APBB1IP: variants seen among roughly 807,000 people sequenced by gnomAD.
APBB1IP encodes amyloid beta precursor protein binding family B member 1 interacting protein.
APBB1IP carries 27 observed loss-of-function variants against 64.9 expected under a neutral mutation model. That is an observed-to-expected ratio of 0.42 (90% CI 0.31 to 0.57). The LOEUF (loss-of-function observed/expected upper bound fraction) is 0.57. APBB1IP is among the 20% of genes least tolerant of loss of function. The pLI is 0.20. For missense variants in APBB1IP, 812 were observed against 845.5 expected (o/e 0.96, Z 0.49); for synonymous variants, 392 against 331.0 (o/e 1.18, Z -2.00).
At chr10:26,532,559 G>A (rs112924206) in intron 8 of APBB1IP, among the ~76,000 whole-genome samples, 6,695 of 151,954 alleles carry the variant, frequency 0.044, 145 homozygotes, top group South Asian at 0.08. Flanking sequence ...ATAGCTTACT[G>A]CAGCCTCAAA....
intron 2 of APBB1IP, among the ~76,000 whole-genome samples, chr10:26,469,253 CTTTTCTT>C (rs1217609634): frequency 1.5e-5 from 2 of 129,664 alleles, no homozygotes; most frequent in African/African-American, 6.4e-5. Flanking sequence ...TCCTTCTTTT[CTTTTCTT>C]TTTTTTTTTT....
chr10:26,548,490 A>C (rs1484189681), intron 11 of APBB1IP, among the ~76,000 whole-genome samples: 2 of 152,048 alleles, frequency 1.3e-5, no homozygotes, highest in Admixed American at 1.3e-4. Flanking sequence ...TGAACACGGG[A>C]TATCTTTCCA....
chr10:26,447,013 A>G (rs1227776652), intron 2 of APBB1IP, among the ~76,000 whole-genome samples: 2 of 152,188 alleles, frequency 1.3e-5, no homozygotes, highest in African/African-American at 2.4e-5. Flanking sequence ...TATGGTGCAG[A>G]TAATGATTAT....
chr10:26,491,674 A>G (rs935350841), intron 2 of APBB1IP, among the ~76,000 whole-genome samples: 1 of 152,120 alleles, frequency 6.6e-6, no homozygotes, highest in African/African-American at 2.4e-5. Context: ...ATGTACTAAA[A>G]ACTATTATTT....
intron 11 of APBB1IP, among the ~76,000 whole-genome samples, chr10:26,548,603 T>C (rs1836795389): frequency 6.6e-6 from 1 of 152,156 alleles, no homozygotes; most frequent in Non-Finnish European, 1.5e-5. Flanking sequence ...TATTTTTGTG[T>C]AGGTATTGTA....
At chr10:26,535,521 C>T (rs574611543) in intron 9 of APBB1IP, among the ~76,000 whole-genome samples, 85 of 152,212 alleles carry the variant, frequency 5.6e-4, no homozygotes, top group Non-Finnish European at 1.1e-3. Context: ...ACTATAGTCA[C>T]CCTGCTTTGC....
intron 2 of APBB1IP, among the ~76,000 whole-genome samples, chr10:26,444,280 T>C (rs1185117961): frequency 6.6e-6 from 1 of 152,036 alleles, no homozygotes; most frequent in Non-Finnish European, 1.5e-5. Flanking sequence ...GGCGAGGAGA[T>C]AGCAGATCAC....
chr10:26,500,610 G>A (rs192985490), intron 4 of APBB1IP, among the ~76,000 whole-genome samples: 26 of 152,158 alleles, frequency 1.7e-4, no homozygotes, highest in African/African-American at 4.3e-4. Context: ...AAACTCAGTC[G>A]GATTAACCAT....
chr10:26,552,601 A>G (rs1564376726), intron 11 of APBB1IP, among the ~76,000 whole-genome samples: 5 of 152,032 alleles, frequency 3.3e-5, no homozygotes, highest in African/African-American at 4.8e-5. Flanking sequence ...CTACCTCTAA[A>G]AAAGAAAGGA....
intron 2 of APBB1IP, among the ~76,000 whole-genome samples, chr10:26,456,608 G>A (rs866650008): frequency 6.6e-6 from 1 of 151,872 alleles, no homozygotes; most frequent in Non-Finnish European, 1.5e-5. Flanking sequence ...AGACTGTGGC[G>A]AGCATCTGTA....
intron 2 of APBB1IP, among the ~76,000 whole-genome samples, chr10:26,441,049 A>G (rs1188642925): frequency 6.6e-6 from 1 of 152,182 alleles, no homozygotes; most frequent in Non-Finnish European, 1.5e-5. Flanking sequence ...CCATGAGTTT[A>G]TATTATGGAG....
chr10:26,447,836 A>G (rs1414141823), intron 2 of APBB1IP, among the ~76,000 whole-genome samples: 1 of 152,110 alleles, frequency 6.6e-6, no homozygotes, highest in East Asian at 1.9e-4. Context: ...ACGAGGCACT[A>G]TATTGCCCTG....
At chr10:26,529,187 C>T (rs779701856) in intron 8 of APBB1IP, among the ~76,000 whole-genome samples, 2 of 152,214 alleles carry the variant, frequency 1.3e-5, no homozygotes, top group Admixed American at 6.5e-5. Context: ...CAGGTTTACC[C>T]AGTTTCCATT....
intron 11 of APBB1IP, among the ~76,000 whole-genome samples, chr10:26,545,673 T>C (rs188184163): frequency 0.032 from 4,840 of 150,886 alleles, 154 homozygotes; most frequent in African/African-American, 0.083. Context: ...GGCAGGAGAA[T>C]GGCGTGAACC....
intron 6 of APBB1IP, among the ~76,000 whole-genome samples, chr10:26,506,393 T>G (rs1047484368): frequency 1.9e-4 from 29 of 152,064 alleles, no homozygotes; most frequent in African/African-American, 6.3e-4. Flanking sequence ...ACTACAGGTA[T>G]GCACCACCAT....
At chr10:26,455,567 C>T (rs776007099) in intron 2 of APBB1IP, among the ~76,000 whole-genome samples, 1 of 151,792 alleles carries the variant, frequency 6.6e-6, no homozygotes, top group Non-Finnish European at 1.5e-5. Context: ...TGGGGATGCT[C>T]ACGTTAACTT....
At chr10:26,522,590 T>C (rs760785440) in intron 8 of APBB1IP, among the ~76,000 whole-genome samples, 99 of 152,240 alleles carry the variant, frequency 6.5e-4, no homozygotes, top group Non-Finnish European at 8.4e-4. Context: ...CAACTAATTA[T>C]GTTTACAAAT....
chr10:26,530,233 T>C (rs10829018), intron 8 of APBB1IP, among the ~76,000 whole-genome samples: 705 of 7,228 alleles, frequency 0.098, 24 homozygotes, highest in East Asian at 0.33. Context: ...TTTTTCTTTT[T>C]TTTTTTTTTT....
intron 11 of APBB1IP, among the ~76,000 whole-genome samples, chr10:26,556,396 A>G (rs1410947265): frequency 6.6e-6 from 1 of 152,218 alleles, no homozygotes; most frequent in African/African-American, 2.4e-5. Context: ...AGCTCATCTT[A>G]GAACCATAAA....
Sources: gnomAD v4.1 joint callset for allele counts (sites outside exome capture counted in the v4.1 genomes callset) on GRCh38, gnomAD v4.1.1 for gene constraint, MANE v1.5 for transcripts, NCBI Gene and HGNC (gene_info 2026-07-23, HGNC 2026-07-21) for gene names.